The following FTO variants were observed in gnomAD, a reference collection of about 807,000 sequenced individuals.
The protein encoded by FTO is FTO alpha-ketoglutarate dependent dioxygenase, also known as alpha-ketoglutarate-dependent dioxygenase FTO.
Under a neutral mutation model 63.9 loss-of-function variants are expected in FTO, and 47 were observed. The ratio of observed to expected loss-of-function variants is 0.74; its 90% CI spans 0.58 to 0.94. The LOEUF is 0.94. FTO is among the 40% of genes least tolerant of loss of function. The probability of loss-of-function intolerance (pLI) is 0.00; values close to 1 mark genes in which losing one functional copy is unlikely to be tolerated. For missense variants in FTO, 562 were observed against 618.1 expected, an observed-to-expected ratio of 0.91 and a Z score of 0.96; for synonymous variants, 207 against 224.4, an observed-to-expected ratio of 0.92 and a Z score of 0.69.
At chr16:53,722,425 T>C (rs74405327) in intron 1 of FTO, among the ~76,000 whole-genome samples, 16,062 of 152,214 alleles carry the variant, frequency 0.11, 1,678 homozygotes, top group African/African-American at 0.27. Context: ...CATGTATAGA[T>C]TGGAAGTTAA....
chr16:53,876,263 A>G (rs1306975107), intron 5 of FTO, among the ~76,000 whole-genome samples: 1 of 152,198 alleles, frequency 6.6e-6, no homozygotes, highest in Non-Finnish European at 1.5e-5. Flanking sequence ...TGTAATTTCA[A>G]AAATATTTTT....
rs1470498114 is a variant in FTO at position 54,120,985 on chromosome 16, G to C, written c.*9070G>C. On this transcript the variant is annotated 3_prime_UTR_variant, in exon 9 of 9. Transcript: ENST00000471389. ...ACTGGCAGGTCAAGCAGAAACCACC[G>C]TAGTAAAATTGAAAGCTGGAGTCAG... 6.6e-6 allele frequency: 1 copy of C among 152,454 alleles called. No individual in the cohort carries two copies. Among genetic ancestry groups the C allele is most frequent in the East Asian group, 1.9e-4 (1 of 5,180 alleles). 9.4% of individuals were successfully genotyped at this position (152,454 alleles called of 1,614,324 possible). A position where few individuals can be genotyped will look rare whatever the true frequency, so the allele number is the denominator to read the frequency against.
intron 7 of FTO, among the ~76,000 whole-genome samples, chr16:53,917,738 G>GTCCA (rs1182970159): frequency 4.0e-5 from 6 of 150,996 alleles, no homozygotes; most frequent in African/African-American, 7.3e-5. Context: ...GTGTGTGTGT[G>GTCCA]TGTGTCCATC....
intron 4 of FTO, among the ~76,000 whole-genome samples, chr16:53,845,141 G>A (rs963597507): frequency 2.6e-5 from 4 of 152,242 alleles, no homozygotes; most frequent in African/African-American, 9.6e-5. Context: ...TGCGCAATGT[G>A]TAAACAGTAT....
At chr16:53,731,899 T>C (rs1329888473) in intron 1 of FTO, among the ~76,000 whole-genome samples, 1 of 148,880 alleles carries the variant, frequency 6.7e-6, no homozygotes, top group East Asian at 2.0e-4. Context: ...AGGCTGTTTG[T>C]ACTTTTTGTA....
intron 1 of FTO, among the ~76,000 whole-genome samples, chr16:53,727,999 T>TG: frequency 6.6e-6 from 1 of 152,142 alleles, no homozygotes; most frequent in African/African-American, 2.4e-5. Context: ...TCCAGTGCTT[T>TG]GGGGGGCTGA....
chr16:54,110,488 G>T (rs970160450), intron 8 of FTO, among the ~76,000 whole-genome samples: 1 of 152,190 alleles, frequency 6.6e-6, no homozygotes, highest in Non-Finnish European at 1.5e-5. Flanking sequence ...GACGGATTGA[G>T]TGCATAGGAT....
chr16:53,778,587 A>G (rs918559017), intron 1 of FTO, among the ~76,000 whole-genome samples: 5 of 152,186 alleles, frequency 3.3e-5, no homozygotes, highest in Admixed American at 6.5e-5. Flanking sequence ...CACTATGCCA[A>G]TTAGGAAGAT....
intron 7 of FTO, among the ~76,000 whole-genome samples, chr16:53,928,401 T>C (rs1205860529): frequency 6.6e-6 from 1 of 152,182 alleles, no homozygotes; most frequent in Non-Finnish European, 1.5e-5. Context: ...TCTATGTTAC[T>C]ACTAATGGGA....
intron 1 of FTO, among the ~76,000 whole-genome samples, chr16:53,788,738 T>C (rs2077819049): frequency 6.6e-6 from 1 of 152,140 alleles, no homozygotes; most frequent in Non-Finnish European, 1.5e-5. Context: ...TTTAGTATCA[T>C]AGGGGTAGTT....
chr16:53,848,088 T>G (rs1279881983), intron 4 of FTO, among the ~76,000 whole-genome samples: 7 of 152,196 alleles, frequency 4.6e-5, no homozygotes, highest in Non-Finnish European at 1.0e-4. Flanking sequence ...TTTATTATTT[T>G]TATTTTATTT....
intron 1 of FTO, among the ~76,000 whole-genome samples, chr16:53,749,763 G>A (rs1224176152): frequency 6.6e-6 from 1 of 152,168 alleles, no homozygotes; most frequent in Non-Finnish European, 1.5e-5. Context: ...TTACCATTGA[G>A]TATAATGGTA....
chr16:53,942,719 A>G (rs945208046), intron 8 of FTO, among the ~76,000 whole-genome samples: 2 of 152,198 alleles, frequency 1.3e-5, no homozygotes, highest in African/African-American at 4.8e-5. Flanking sequence ...GTGTTCACAA[A>G]AAGTGGAGCT....
chr16:54,050,112 G>C (rs758042802), intron 8 of FTO, among the ~76,000 whole-genome samples: 17 of 152,158 alleles, frequency 1.1e-4, no homozygotes, highest in Non-Finnish European at 8.8e-5. Context: ...GGGAACAGTT[G>C]ACCCAGTGTG....
At chr16:53,940,241 C>T (rs939934402) in intron 8 of FTO, among the ~76,000 whole-genome samples, 2 of 152,078 alleles carry the variant, frequency 1.3e-5, no homozygotes, top group South Asian at 2.1e-4. Flanking sequence ...CTAATGGTGT[C>T]GAGCATCTTT....
At chr16:53,939,297 G>A (rs2082468720) in intron 8 of FTO, among the ~76,000 whole-genome samples, 2 of 152,218 alleles carry the variant, frequency 1.3e-5, no homozygotes, top group East Asian at 3.9e-4. Flanking sequence ...GATAATTCAG[G>A]GAGATGGCAA....
At chr16:53,973,140 A>G (rs2083367013) in intron 8 of FTO, among the ~76,000 whole-genome samples, 2 of 152,192 alleles carry the variant, frequency 1.3e-5, no homozygotes, top group African/African-American at 2.4e-5. Flanking sequence ...AGCAAAGATC[A>G]TCAGCCATAG....
intron 2 of FTO, among the ~76,000 whole-genome samples, chr16:53,812,789 G>C (rs1432754506): frequency 1.3e-5 from 2 of 152,154 alleles, no homozygotes; most frequent in African/African-American, 2.4e-5. Context: ...GATAGGGTGG[G>C]TGTTCTCTTT....
At chr16:53,751,669 C>T (rs951251772) in intron 1 of FTO, among the ~76,000 whole-genome samples, 1 of 152,142 alleles carries the variant, frequency 6.6e-6, no homozygotes, top group East Asian at 1.9e-4. Flanking sequence ...GAGGGCTGAT[C>T]GGTGCAGGGG....
Sources: gnomAD v4.1 joint callset for allele counts (sites outside exome capture counted in the v4.1 genomes callset) on GRCh38, gnomAD v4.1.1 for gene constraint, MANE v1.5 for transcripts, NCBI Gene and HGNC (gene_info 2026-07-23, HGNC 2026-07-21) for gene names.